The following NHERF1 variants were observed in gnomAD, a reference collection of about 807,000 sequenced individuals.
NHERF1 encodes the protein NHERF family PDZ scaffold protein 1.
chr17:74,758,842 TCTC>T, the NHERF1 span, among the ~76,000 whole-genome samples: 9 of 152,000 alleles, frequency 5.9e-5, no homozygotes, highest in East Asian at 1.6e-3. This position sits in a 1 kb window ranked among gnomAD's most constrained non-coding sequence, Gnocchi z 4.3. Flanking sequence ...CTCCCCATCT[TCTC>T]CTCTCAGTGC....
chr17:74,751,327 A>T, the NHERF1 span, among the ~76,000 whole-genome samples: 3 of 152,228 alleles, frequency 2.0e-5, no homozygotes, highest in African/African-American at 7.2e-5. The surrounding 1 kb of genome is among the most constrained non-coding windows in gnomAD (Gnocchi z 4.3). Flanking sequence ...ACATTGTAAG[A>T]GTTCGTTTTT....
the NHERF1 span, among the ~76,000 whole-genome samples, chr17:74,756,507 G>A: frequency 6.0e-3 from 916 of 151,844 alleles, 9 homozygotes; most frequent in South Asian, 0.035. Context: ...TTGAACTCCC[G>A]ACCTCAGGTG....
chr17:74,763,452 T>C, the NHERF1 span: 1 of 1,613,706 alleles, frequency 6.2e-7, no homozygotes, highest in Middle Eastern at 1.6e-4. Flanking sequence ...AAGCTGCTGG[T>C]GGTGGACAGG....
the NHERF1 span, among the ~76,000 whole-genome samples, chr17:74,765,500 C>T: frequency 2.0e-5 from 3 of 150,442 alleles, no homozygotes; most frequent in Non-Finnish European, 3.0e-5. Context: ...CCTTGTGATC[C>T]GCCCACCTCG....
chr17:74,749,875 A>C, the NHERF1 span, among the ~76,000 whole-genome samples: 1 of 152,194 alleles, frequency 6.6e-6, no homozygotes, highest in East Asian at 1.9e-4. This position sits in a 1 kb window ranked among gnomAD's most constrained non-coding sequence, Gnocchi z 5.6. Context: ...TGTGACTTCT[A>C]AGGGAGAGGA....
the NHERF1 span, among the ~76,000 whole-genome samples, chr17:74,758,825 C>T: frequency 6.6e-6 from 1 of 152,164 alleles, no homozygotes; most frequent in South Asian, 2.1e-4. This position sits in a 1 kb window ranked among gnomAD's most constrained non-coding sequence, Gnocchi z 4.3. Context: ...GGCCAGGTAC[C>T]CCACACCTCC....
chr17:74,762,273 C>T, the NHERF1 span: 13 of 937,808 alleles, frequency 1.4e-5, no homozygotes, highest in South Asian at 2.6e-5. This position sits in a 1 kb window ranked among gnomAD's most constrained non-coding sequence, Gnocchi z 4.2. Context: ...GATTAGCCCA[C>T]GGGCATAGCC....
chr17:74,763,135 G>T, the NHERF1 span: 1 of 504,278 alleles, frequency 2.0e-6, no homozygotes, highest in Non-Finnish European at 3.5e-6. Flanking sequence ...GTCTCGTCTG[G>T]ATATTTTCGT....
chr17:74,759,523 G>T, the NHERF1 span, among the ~76,000 whole-genome samples: 6 of 152,280 alleles, frequency 3.9e-5, no homozygotes, highest in Admixed American at 3.3e-4. Flanking sequence ...AGAGCCACCT[G>T]CCCCCAGTCC....
the NHERF1 span, chr17:74,749,333 G>T: frequency 4.7e-6 from 7 of 1,474,062 alleles, no homozygotes; most frequent in Admixed American, 1.6e-4. The surrounding 1 kb of genome is among the most constrained non-coding windows in gnomAD (Gnocchi z 5.6). Flanking sequence ...GTGGGAGGAG[G>T]ATCCGGAGAG....
chr17:74,748,860 C>T, the NHERF1 span: 3 of 1,593,924 alleles, frequency 1.9e-6, no homozygotes, highest in South Asian at 1.1e-5. This position sits in a 1 kb window ranked among gnomAD's most constrained non-coding sequence, Gnocchi z 4.3. Context: ...AGCGCGGACG[C>T]AGCGGCCGGG....
the NHERF1 span, chr17:74,768,193 G>C: frequency 6.2e-7 from 1 of 1,613,874 alleles, no homozygotes; most frequent in Non-Finnish European, 8.5e-7. Flanking sequence ...GAGAGCCCCA[G>C]GCCAGCCCTG....
the NHERF1 span, among the ~76,000 whole-genome samples, chr17:74,752,746 G>A: frequency 7.2e-5 from 11 of 152,154 alleles, no homozygotes; most frequent in Admixed American, 2.0e-4. Flanking sequence ...TGCCAGCCTC[G>A]GCCTCCGCCT....
the NHERF1 span, among the ~76,000 whole-genome samples, chr17:74,752,886 C>A: frequency 6.6e-6 from 1 of 152,236 alleles, no homozygotes; most frequent in Non-Finnish European, 1.5e-5. Flanking sequence ...CTATCCCCAG[C>A]GCTGTCCTTG....
the NHERF1 span, chr17:74,749,325 G>C: frequency 6.6e-7 from 1 of 1,505,134 alleles, no homozygotes; most frequent in Non-Finnish European, 8.8e-7. The surrounding 1 kb of genome is among the most constrained non-coding windows in gnomAD (Gnocchi z 5.6). Context: ...GGCATGGAGT[G>C]GGAGGAGGAT....
At chr17:74,768,654 T>C in the NHERF1 span, 1 of 1,613,478 alleles carries the variant, frequency 6.2e-7, no homozygotes, top group East Asian at 2.2e-5. Context: ...CAGCAACCTC[T>C]GAGCGCCCTG....
the NHERF1 span, chr17:74,768,586 A>G: frequency 6.2e-7 from 1 of 1,614,170 alleles, no homozygotes; most frequent in Admixed American, 1.7e-5. Context: ...AGGGCCCACC[A>G]GAAACGCAGC....
chr17:74,762,338 G>A, the NHERF1 span, among the ~76,000 whole-genome samples: 2 of 152,128 alleles, frequency 1.3e-5, no homozygotes, highest in African/African-American at 2.4e-5. The surrounding 1 kb of genome is among the most constrained non-coding windows in gnomAD (Gnocchi z 4.2). Flanking sequence ...GAAGGGTGGT[G>A]GATGGATAGA....
the NHERF1 span, among the ~76,000 whole-genome samples, chr17:74,756,037 T>C: frequency 6.7e-6 from 1 of 149,234 alleles, no homozygotes; most frequent in Non-Finnish European, 1.5e-5. Flanking sequence ...CACTGCAAGC[T>C]CCACCTCCCA....
Sources: allele counts gnomAD v4.1 joint callset (sites outside exome capture counted in the v4.1 genomes callset), GRCh38; gene constraint gnomAD v4.1.1; non-coding constraint Gnocchi (gnomAD v3.1); transcripts MANE v1.5; gene names NCBI Gene and HGNC (gene_info 2026-07-23, HGNC 2026-07-21).